The following ANO2 variants were observed in gnomAD, a reference collection of about 807,000 sequenced individuals.
ANO2 encodes anoctamin-2.
Under a neutral mutation model 124.2 loss-of-function variants are expected in ANO2, and 101 were observed. The observed-to-expected ratio is 0.81, with a 90% CI of 0.69 to 0.96. ANO2 has a LOEUF of 0.96. Among genes scored for constraint, ANO2 ranks in the 40% least tolerant of loss-of-function variants. ANO2 has a pLI of 0.00. For synonymous variants in ANO2, 486 were observed against 482.5 expected (o/e 1.01, Z -0.09); for missense variants, 1,293 against 1,274.5 (o/e 1.01, Z -0.22).
chr12:5,757,025 C>T (rs1291877457), intron 10 of ANO2, among the ~76,000 whole-genome samples: 1 of 152,198 alleles, frequency 6.6e-6, no homozygotes, highest in African/African-American at 2.4e-5. Flanking sequence ...CTTCCAGGCC[C>T]ATGGCTGGTG....
intron 14 of ANO2, among the ~76,000 whole-genome samples, chr12:5,650,249 C>A (rs1185770373): frequency 6.6e-6 from 1 of 152,168 alleles, no homozygotes; most frequent in Admixed American, 6.5e-5. Flanking sequence ...CTAAGCTAAA[C>A]CAGATTAGGA....
At chr12:5,826,633 A>AT (rs1953965257) in intron 7 of ANO2, among the ~76,000 whole-genome samples, 1 of 152,148 alleles carries the variant, frequency 6.6e-6, no homozygotes, top group African/African-American at 2.4e-5. Context: ...TCTTGTAGCA[A>AT]GATGAATATA....
intron 17 of ANO2, among the ~76,000 whole-genome samples, chr12:5,613,803 T>C (rs780641265): frequency 6.6e-6 from 1 of 152,228 alleles, no homozygotes; most frequent in Admixed American, 6.5e-5. Flanking sequence ...TCTTCTAGTA[T>C]AGCACAGTTC....
chr12:5,615,399 C>A, intron 16 of ANO2, 102 bp from the exon 17 acceptor site: 1 of 814,714 alleles, frequency 1.2e-6, no homozygotes, highest in Admixed American at 2.5e-5. Flanking sequence ...GACTCCTTCA[C>A]AGCAAAAATC....
intron 10 of ANO2, among the ~76,000 whole-genome samples, chr12:5,789,978 G>A (rs931758233): frequency 1.3e-5 from 2 of 152,180 alleles, no homozygotes; most frequent in African/African-American, 2.4e-5. Context: ...CCAGGGACAC[G>A]TGGTCAAACA....
At chr12:5,895,427 C>T (rs1272014098) in intron 3 of ANO2, among the ~76,000 whole-genome samples, 21 of 152,020 alleles carry the variant, frequency 1.4e-4, no homozygotes. Context: ...ACAATCATGT[C>T]ATTTGCAAAC....
intron 10 of ANO2, among the ~76,000 whole-genome samples, chr12:5,754,368 C>T (rs1951519774): frequency 6.6e-6 from 1 of 152,066 alleles, no homozygotes; most frequent in African/African-American, 2.4e-5. Flanking sequence ...GGGATGTTGA[C>T]CTATAGTTCT....
intron 3 of ANO2, among the ~76,000 whole-genome samples, chr12:5,905,830 C>T (rs1940639207): frequency 6.6e-6 from 1 of 152,140 alleles, no homozygotes; most frequent in Non-Finnish European, 1.5e-5. Flanking sequence ...ACCTCTTTCC[C>T]CAACAGGTCA....
intron 12 of ANO2, chr12:5,740,179 G>C (rs1951041833): frequency 5.9e-6 from 2 of 338,006 alleles, no homozygotes; most frequent in African/African-American, 4.3e-5. Context: ...TCTGATGCAG[G>C]GCCTGCTGAT....
chr12:5,829,145 C>T (rs924926287), intron 6 of ANO2, among the ~76,000 whole-genome samples: 12 of 152,160 alleles, frequency 7.9e-5, no homozygotes, highest in Admixed American at 7.9e-4. Context: ...TAATTCTGCT[C>T]CTAATATAGT....
intron 1 of ANO2, among the ~76,000 whole-genome samples, chr12:5,939,645 G>T (rs1326158945): frequency 6.6e-6 from 1 of 152,220 alleles, no homozygotes; most frequent in Non-Finnish European, 1.5e-5. Flanking sequence ...CCACACCGAT[G>T]GTGAAGGATA....
chr12:5,635,358 A>G lies in ANO2; in HGVS notation c.1621-11T>C, dbSNP rs199769145. On this transcript the variant is annotated splice_polypyrimidine_tract_variant and intron_variant, in intron 15 of 24. Transcript: ENST00000682330. The surrounding 1 kb of genome is among the most constrained non-coding windows in gnomAD (Gnocchi z 5.2). Reference sequence around the variant, plus strand: ...GAATGTCAGGGCAATCTGTTTGGGAAAACAGAGAGAAGTACACATCAGCCG... The same window carrying G: ...GAATGTCAGGGCAATCTGTTTGGGAGAACAGAGAGAAGTACACATCAGCCG... The G allele has an allele frequency of 7.4e-5, 115 of 1,545,472 alleles. No homozygotes were observed. Among genetic ancestry groups the G allele is most frequent in the Admixed American group, 2.7e-4 (13 of 47,468 alleles).
intron 10 of ANO2, among the ~76,000 whole-genome samples, chr12:5,758,838 A>C (rs1027124043): frequency 6.6e-6 from 1 of 152,236 alleles, no homozygotes; most frequent in Non-Finnish European, 1.5e-5. Flanking sequence ...CAATAAACAA[A>C]TAAAATAAAA....
chr12:5,639,931 G>A (rs936921049), intron 15 of ANO2, among the ~76,000 whole-genome samples: 14 of 152,284 alleles, frequency 9.2e-5, no homozygotes, highest in African/African-American at 3.4e-4. Flanking sequence ...ATATCCAAGT[G>A]TAAGAAAATG....
intron 10 of ANO2, among the ~76,000 whole-genome samples, chr12:5,756,241 C>A (rs1402294342): frequency 6.6e-6 from 1 of 151,940 alleles, no homozygotes; most frequent in African/African-American, 2.4e-5. Context: ...TGTTGAACTT[C>A]TGATTTTGTT....
chr12:5,812,384 A>AAAAAGAAAGAAAGG (rs1953426471), intron 7 of ANO2, among the ~76,000 whole-genome samples: 1 of 74,122 alleles, frequency 1.3e-5, no homozygotes, highest in Non-Finnish European at 3.4e-5. Context: ...AGAAAGAAAG[A>AAAAAGAAAGAAAGG]AAGAAGGGAA....
In ANO2 at chr12:5,862,345, C is replaced by T. The variant is rs1236944303; in HGVS notation, c.535-8204G>A. Among the ~76,000 whole-genome samples the T allele has an allele frequency of 6.6e-6, 1 of 152,206 alleles. No individual in the cohort carries two copies. Among genetic ancestry groups the T allele is most frequent in the Non-Finnish European group, 1.5e-5 (1 of 68,040 alleles). ...CCCTTCCTTCTTATGGAAAAGACTTCACCTGGTTCCCAACCAACGACCAGG... is the reference window on the plus strand; with the variant it reads ...CCCTTCCTTCTTATGGAAAAGACTTTACCTGGTTCCCAACCAACGACCAGG... On this transcript the variant is annotated intron_variant, in intron 3 of 24. Transcript: ENST00000682330. This position sits in a 1 kb window ranked among gnomAD's most constrained non-coding sequence, Gnocchi z 4.0.
At chr12:5,638,933 G>A (rs1215377379) in intron 15 of ANO2, among the ~76,000 whole-genome samples, 4 of 152,114 alleles carry the variant, frequency 2.6e-5, no homozygotes, top group South Asian at 2.1e-4. Context: ...GCCACCCTCC[G>A]GAACTTGCAT....
chr12:5,926,112 C>T (rs913587699), intron 1 of ANO2, among the ~76,000 whole-genome samples: 1 of 152,248 alleles, frequency 6.6e-6, no homozygotes, highest in Admixed American at 6.5e-5. Flanking sequence ...CCTGCAAATG[C>T]TCCACCAAAC....
Sources: allele counts gnomAD v4.1 joint callset (sites outside exome capture counted in the v4.1 genomes callset), GRCh38; gene constraint gnomAD v4.1.1; non-coding constraint Gnocchi (gnomAD v3.1); transcripts MANE v1.5; gene names NCBI Gene and HGNC (gene_info 2026-07-23, HGNC 2026-07-21).